KLHL32: variants seen among roughly 807,000 people sequenced by gnomAD.
KLHL32 encodes the protein kelch like family member 32.
Under a neutral mutation model 64.8 loss-of-function variants are expected in KLHL32, and 35 were observed. That is an observed-to-expected ratio of 0.54 (90% CI 0.41 to 0.72). The LOEUF (loss-of-function observed/expected upper bound fraction) is 0.72, where lower values mean the gene tolerates loss of function less well. Among genes scored for constraint, KLHL32 ranks in the 30% least tolerant of loss-of-function variants. The pLI is 0.00. For synonymous variants in KLHL32, 259 were observed against 281.0 expected (o/e 0.92, Z 0.78); for missense variants, 589 against 768.5 (o/e 0.77, Z 2.76).
At chr6:97,090,144 C>T (rs1794024090) in intron 6 of KLHL32, among the ~76,000 whole-genome samples, 1 of 151,992 alleles carries the variant, frequency 6.6e-6, no homozygotes, top group Non-Finnish European at 1.5e-5. Context: ...TGCTTGCACT[C>T]TATTAATAAT....
At chr6:97,005,324 T>G (rs951920619) in intron 3 of KLHL32, among the ~76,000 whole-genome samples, 2 of 152,112 alleles carry the variant, frequency 1.3e-5, no homozygotes, top group African/African-American at 4.8e-5. Context: ...TCAGTGGTAA[T>G]GTCTCCTTTG....
At chr6:97,010,647 TCTG>T (rs1780292693) in intron 3 of KLHL32, among the ~76,000 whole-genome samples, 1 of 152,186 alleles carries the variant, frequency 6.6e-6, no homozygotes, top group Admixed American at 6.5e-5. Context: ...TTGCTAATAT[TCTG>T]CTGTGTGTTG....
chr6:97,109,620 C>T lies in KLHL32; in HGVS notation c.628-4163C>T, dbSNP rs181710906. 2.0e-3 allele frequency among the ~76,000 whole-genome samples: 311 copies of T among 152,164 alleles called. 3 individuals carry two copies. Among genetic ancestry groups the T allele is most frequent in the Admixed American group, 9.5e-3 (145 of 15,290 alleles). ...CTCACGCAGTTAGTAACACTGCTTGCTGGAAAGATAAAGATAAACCGGAGG... is the reference window on the plus strand; with the variant it reads ...CTCACGCAGTTAGTAACACTGCTTGTTGGAAAGATAAAGATAAACCGGAGG... On this transcript the variant is annotated intron_variant, in intron 6 of 10. Transcript: ENST00000369261.
chr6:96,962,659 A>G (rs1774002770), intron 1 of KLHL32, among the ~76,000 whole-genome samples: 1 of 152,218 alleles, frequency 6.6e-6, no homozygotes, highest in Admixed American at 6.5e-5. Flanking sequence ...GTATTCTATA[A>G]TAAAAGAAGA....
chr6:97,137,941 GA>G (rs1800225023), intron 10 of KLHL32, among the ~76,000 whole-genome samples: 1 of 152,200 alleles, frequency 6.6e-6, no homozygotes, highest in African/African-American at 2.4e-5. Flanking sequence ...GAAATATTGG[GA>G]AACACCTACG....
At chr6:97,093,132 C>T (rs1206131) in intron 6 of KLHL32, among the ~76,000 whole-genome samples, 22,225 of 151,052 alleles carry the variant, frequency 0.15, 1,752 homozygotes, top group African/African-American at 0.21. Flanking sequence ...ATATTACTTA[C>T]GCATTGGTGC....
At position 96,966,301 on chromosome 6, in the gene KLHL32, A is replaced by G. The variant is rs117339200; in HGVS notation, c.-65-695A>G. On this transcript the variant is annotated intron_variant, in intron 1 of 10. Coordinates refer to ENST00000369261, the MANE Select transcript of KLHL32 (RefSeq NM_052904.4). ...GACTATTCAAATAATTTATTTTTCT[A>G]GTCAGAGTTACTCCAGTGATTAAAA... 1.5e-3 allele frequency among the ~76,000 whole-genome samples: 225 copies of G among 152,334 alleles called. 2 individuals carry two copies. The East Asian group carries it at 0.033, about 22-fold the overall frequency.
chr6:96,998,774 T>G (rs955988529), intron 3 of KLHL32, among the ~76,000 whole-genome samples: 14 of 152,228 alleles, frequency 9.2e-5, no homozygotes, highest in Admixed American at 6.5e-4. Flanking sequence ...TAAGTTCTTT[T>G]CTTTCTCTGC....
chr6:97,137,691 C>T (rs1316103554), intron 10 of KLHL32, among the ~76,000 whole-genome samples: 2 of 152,080 alleles, frequency 1.3e-5, no homozygotes, highest in African/African-American at 2.4e-5. Flanking sequence ...GCCGCCACCA[C>T]GCCTGGCTAA....
At chr6:96,954,940 T>C (rs1409042356) in intron 1 of KLHL32, among the ~76,000 whole-genome samples, 1 of 152,192 alleles carries the variant, frequency 6.6e-6, no homozygotes, top group Non-Finnish European at 1.5e-5. Flanking sequence ...AACAAGTATA[T>C]TTCTCACAAT....
chr6:97,056,888 A>G (rs149251883), intron 4 of KLHL32, among the ~76,000 whole-genome samples: 11 of 152,300 alleles, frequency 7.2e-5, no homozygotes, highest in African/African-American at 1.9e-4. Flanking sequence ...TAAAAAGTAA[A>G]TAAAGTTTAT....
intron 3 of KLHL32, among the ~76,000 whole-genome samples, chr6:96,988,864 A>G (rs1777474022): frequency 6.6e-6 from 1 of 152,144 alleles, no homozygotes; most frequent in South Asian, 2.1e-4. Flanking sequence ...ACAAAAAACC[A>G]AACACCGCAT....
At chr6:96,990,460 T>C (rs1582615020) in intron 3 of KLHL32, among the ~76,000 whole-genome samples, 1 of 152,196 alleles carries the variant, frequency 6.6e-6, no homozygotes, top group East Asian at 1.9e-4. Context: ...GTATTTCCTC[T>C]CGATTTCAGC....
chr6:97,131,390 T>C (rs1303302688), intron 9 of KLHL32, among the ~76,000 whole-genome samples: 2 of 152,178 alleles, frequency 1.3e-5, no homozygotes, highest in Non-Finnish European at 2.9e-5. Flanking sequence ...CAAGTATTGT[T>C]TCTGTGAGTA....
intron 10 of KLHL32, among the ~76,000 whole-genome samples, chr6:97,133,030 A>G (rs371713490): frequency 1.3e-5 from 2 of 152,222 alleles, no homozygotes; most frequent in African/African-American, 2.4e-5. Context: ...TTTCTCATAA[A>G]CCAAAAAATT....
intron 1 of KLHL32, among the ~76,000 whole-genome samples, chr6:96,945,218 C>A (rs1448617065): frequency 1.3e-5 from 2 of 152,238 alleles, no homozygotes; most frequent in Admixed American, 6.5e-5. Flanking sequence ...GCTGTGCCAG[C>A]CCTTTATGCT....
intron 3 of KLHL32, among the ~76,000 whole-genome samples, chr6:96,983,717 C>A (rs562153295): frequency 2.0e-5 from 3 of 151,922 alleles, no homozygotes; most frequent in Non-Finnish European, 4.4e-5. Flanking sequence ...TCTGTGGGAT[C>A]GGTGGTGATA....
intron 1 of KLHL32, among the ~76,000 whole-genome samples, chr6:96,948,092 T>C (rs1349663148): frequency 6.6e-6 from 1 of 152,202 alleles, no homozygotes; most frequent in Non-Finnish European, 1.5e-5. Flanking sequence ...AATTGTCTAT[T>C]GTAGGTTACT....
intron 8 of KLHL32, among the ~76,000 whole-genome samples, chr6:97,128,948 A>C (rs1799154800): frequency 1.3e-5 from 2 of 152,240 alleles, no homozygotes; most frequent in Admixed American, 1.3e-4. Flanking sequence ...CATAGAAAAC[A>C]CCTAAGAAAA....
Sources: allele counts gnomAD v4.1 joint callset (sites outside exome capture counted in the v4.1 genomes callset), GRCh38; gene constraint gnomAD v4.1.1; transcripts MANE v1.5; gene names NCBI Gene and HGNC (gene_info 2026-07-23, HGNC 2026-07-21).